Variants in KIAA1671 observed in about 807,000 individuals in gnomAD.
The protein encoded by KIAA1671 is KIAA1671.
A neutral mutation model predicts 131.2 loss-of-function variants in KIAA1671; 52 were observed. The observed-to-expected ratio is 0.40, with a 90% CI of 0.32 to 0.50. KIAA1671 has a LOEUF of 0.50. Ranked by LOEUF, KIAA1671 falls within the 20% of genes least tolerant of loss-of-function variation. KIAA1671 has a pLI of 0.73. For synonymous variants in KIAA1671, 1,003 were observed against 961.6 expected, an observed-to-expected ratio of 1.04 and a Z score of -0.80; for missense variants, 2,360 against 2,364.2, an observed-to-expected ratio of 1.00 and a Z score of 0.04.
In KIAA1671 at chr22:25,113,875, A is replaced by G. The variant is rs148665484; in HGVS notation, c.4531-56945A>G. The stretch of plus-strand genomic sequence containing the variant: ...CTCTGTGTGTATCTCTGTCTCTGTG[A>G]TGTGTCTTTCTGCCTTGCTCTGTCT... On this transcript the variant is annotated intron_variant, in intron 6 of 12. Transcript: ENST00000358431. Among the ~76,000 whole-genome samples the G allele has an allele frequency of 2.7e-3, 407 of 152,162 alleles. 1 individual carries two copies. The highest frequency in any genetic ancestry group is 4.4e-3 in the Non-Finnish European group (301 of 68,004).
chr22:25,082,842 C>CA (rs1555876771), intron 6 of KIAA1671, among the ~76,000 whole-genome samples: 2 of 151,548 alleles, frequency 1.3e-5, no homozygotes, highest in Non-Finnish European at 2.9e-5. Context: ...CTCTAAAGAA[C>CA]AAAAAAACAA....
intron 1 of KIAA1671, among the ~76,000 whole-genome samples, chr22:24,986,236 G>T (rs1041239936): frequency 1.3e-5 from 2 of 152,120 alleles, no homozygotes; most frequent in African/African-American, 2.4e-5. Flanking sequence ...AAGGGATGAC[G>T]CTTGTGGCTT....
intron 6 of KIAA1671, among the ~76,000 whole-genome samples, chr22:25,097,350 A>G (rs1930438667): frequency 6.6e-6 from 1 of 152,208 alleles, no homozygotes; most frequent in Non-Finnish European, 1.5e-5. Flanking sequence ...TGGGTCTGAC[A>G]ATAAGGACGT....
intron 1 of KIAA1671, among the ~76,000 whole-genome samples, chr22:25,022,098 C>G (rs1925704060): frequency 2.0e-5 from 3 of 152,194 alleles, no homozygotes; most frequent in Admixed American, 2.0e-4. Context: ...TTGCATGGCT[C>G]ACTGCACAGG....
chr22:25,119,578 C>T (rs1357727096), intron 6 of KIAA1671, among the ~76,000 whole-genome samples: 1 of 152,118 alleles, frequency 6.6e-6, no homozygotes, highest in Non-Finnish European at 1.5e-5. Flanking sequence ...TTAAGTAAAC[C>T]AATGAATGAA....
At chr22:25,141,622 T>C (rs2145961576) in intron 6 of KIAA1671, among the ~76,000 whole-genome samples, 1 of 152,294 alleles carries the variant, frequency 6.6e-6, no homozygotes, top group South Asian at 2.1e-4. Flanking sequence ...ATAACTTCTG[T>C]AATCAGGGGA....
rs1251126410 is a variant in KIAA1671 at position 25,195,304 on chromosome 22, CAG to C, written c.*2906_*2907del. On this transcript the variant is annotated 3_prime_UTR_variant, in exon 13 of 13. Transcript: ENST00000358431. ...CTTCATGGTCCTTTGCCTAATCAAA[CAG>C]AGGCTTTTGGCCTTTGAAAATCCAT... is the stretch of plus-strand genomic sequence containing the variant. The C allele has an allele frequency of 6.6e-6, 1 of 152,206 alleles. No individual in the cohort carries two copies. Among genetic ancestry groups the C allele is most frequent in the African/African-American group, 2.4e-5 (1 of 41,450 alleles). 9.4% of individuals were successfully genotyped at this position (152,206 alleles called of 1,614,324 possible).
At position 25,005,345 on chromosome 22, in the gene KIAA1671, C is replaced by CA. The variant is rs1215047643; in HGVS notation, c.-207-20288_-207-20287insA. ...CCTGGGTGACAGAGCGAGACTCCAT[C>CA]TAAAAAAAAAAAAAAAAAAGAAAAA... is the stretch of plus-strand genomic sequence containing the variant. On this transcript the variant is annotated intron_variant, in intron 1 of 12. Coordinates refer to ENST00000358431, the MANE Select transcript of KIAA1671 (RefSeq NM_001145206.2). Among the ~76,000 whole-genome samples, 463 of 102,534 alleles carry CA rather than the reference C, an allele frequency of 4.5e-3. 2 individuals are homozygous for CA. The highest frequency in any genetic ancestry group is 6.5e-3 in the Non-Finnish European group (345 of 52,810). 67.3% of individuals were successfully genotyped at this position (102,534 alleles called of 152,430 possible).
chr22:25,033,584 T>G (rs1281259959), intron 4 of KIAA1671, among the ~76,000 whole-genome samples: 8 of 123,522 alleles, frequency 6.5e-5, no homozygotes, highest in Non-Finnish European at 1.2e-4. Flanking sequence ...GTTTTTTTTT[T>G]TTTTTTTTTT....
chr22:24,978,223 G>A (rs536536000), intron 1 of KIAA1671, among the ~76,000 whole-genome samples: 2 of 152,238 alleles, frequency 1.3e-5, no homozygotes, highest in East Asian at 3.9e-4. Flanking sequence ...CACGGGGGCG[G>A]TTTTCCCCAT....
At chr22:25,053,054 T>C (rs1358020651) in intron 6 of KIAA1671, 1 of 152,220 alleles carries the variant, frequency 6.6e-6, no homozygotes, top group South Asian at 2.1e-4. Flanking sequence ...AGGTTTTTTT[T>C]CTATGCTCTC....
intron 6 of KIAA1671, among the ~76,000 whole-genome samples, chr22:25,152,883 G>A (rs1264078672): frequency 6.6e-6 from 1 of 152,108 alleles, no homozygotes; most frequent in African/African-American, 2.4e-5. Flanking sequence ...GGGATTATAG[G>A]TGTGAGCCAC....
intron 11 of KIAA1671, among the ~76,000 whole-genome samples, chr22:25,189,584 A>G (rs1294065002): frequency 6.6e-6 from 1 of 152,222 alleles, no homozygotes; most frequent in African/African-American, 2.4e-5. Context: ...AACCTCATCT[A>G]AGAAAAAATA....
At position 25,028,977 on chromosome 22, in the gene KIAA1671, C is replaced by G; in HGVS notation, c.978C>G (p.Asp326Glu). 6.5e-7 allele frequency: 1 copy of G among 1,536,962 alleles called. No homozygotes were observed. The part of the protein sequence containing the change: ...LERPRAASKL[D>E]RDCLVKAEAP... ...GGCCCAGAGCAGCGTCCAAGCTGGA[C>G]AGGGACTGTTTGGTCAAGGCGGAGG... Residue 326 changes from aspartate to glutamate, a missense_variant, in exon 3 of 13, where the codon GAC becomes GAG. Around this residue, in one of 3 missense-constraint regions of KIAA1671, gnomAD observed 1,185 missense variants for 1,126.2 expected, o/e 1.05. Transcript: ENST00000358431.
chr22:25,039,917 G>A lies in KIAA1671; in HGVS notation c.2787G>A (p.Gln929=), dbSNP rs1457157209. The change falls in exon 5 of 13, where the codon CAG becomes CAA. Residue 929 remains glutamine, a synonymous_variant. Transcript: ENST00000358431. ...ATCCAGGGCCGGCCCAGGTGCCACA[G>A]CCTGCAGTCAGAATGCGGAAAGCCG... The part of the protein sequence containing the change: ...EGDPGPAQVP[Q]PAVRMRKAGA... The A allele has an allele frequency of 1.3e-6, 2 of 1,551,484 alleles. No homozygotes were observed. The highest frequency in any genetic ancestry group is 2.0e-5 in the Admixed American group (1 of 50,976).
chr22:25,177,589 T>A, intron 9 of KIAA1671, 67 bp downstream of exon 9: 1 of 1,375,938 alleles, frequency 7.3e-7, no homozygotes, highest in Non-Finnish European at 9.7e-7. Flanking sequence ...GACTAAGCCC[T>A]ATGAAAAAAT....
chr22:24,974,494 T>C (rs369830386), intron 1 of KIAA1671, among the ~76,000 whole-genome samples: 49 of 152,132 alleles, frequency 3.2e-4, no homozygotes, highest in African/African-American at 9.9e-4. Flanking sequence ...GAGCTGGGAT[T>C]TGAACCTAGG....
At chr22:25,071,498 CATTGATTG>C (rs766286530) in intron 6 of KIAA1671, among the ~76,000 whole-genome samples, 1 of 151,734 alleles carries the variant, frequency 6.6e-6, no homozygotes. Context: ...TGTAAGGCAA[CATTGATTG>C]ATTGATTGAT....
At position 24,997,902 on chromosome 22, in the gene KIAA1671, C is replaced by T. The variant is rs151206753; in HGVS notation, c.-207-27731C>T. Among the ~76,000 whole-genome samples, 620 of 152,286 alleles carry T rather than the reference C, an allele frequency of 4.1e-3. 4 individuals carry two copies. The highest frequency in any genetic ancestry group is 0.014 in the Middle Eastern group (4 of 294). ...CAAAAGTAATTGCTGTTCTACCTTC[C>T]GTTACCCTAGAGCTCACTTCATATA... On this transcript the variant is annotated intron_variant, in intron 1 of 12. Transcript: ENST00000358431.
Sources: allele counts gnomAD v4.1 joint callset (sites outside exome capture counted in the v4.1 genomes callset), GRCh38; gene constraint gnomAD v4.1.1; regional missense constraint gnomAD v4.1.1; transcripts MANE v1.5; gene names NCBI Gene and HGNC (gene_info 2026-07-23, HGNC 2026-07-21).